Variants in ARHGAP39 observed in about 807,000 individuals in gnomAD.
ARHGAP39 encodes Rho GTPase activating protein 39, also known as rho GTPase-activating protein 39.
ARHGAP39 carries 44 observed loss-of-function variants against 106.9 expected under a neutral mutation model. The ratio of observed to expected loss-of-function variants is 0.41; its 90% CI spans 0.32 to 0.53. The LOEUF is 0.53. ARHGAP39 is among the 20% of genes least tolerant of loss of function. The probability of loss-of-function intolerance (pLI) is 0.21; values close to 1 mark genes in which losing one functional copy is unlikely to be tolerated. For synonymous variants in ARHGAP39, 768 were observed against 693.2 expected (o/e 1.11, Z -1.69); for missense variants, 1,496 against 1,577.3 (o/e 0.95, Z 0.87).
Position 144,530,340 on chromosome 8 carries a change from G to A in ARHGAP39, c.*82C>T. ...CTCCAGGGCTGGGCCGGGCGATTCTGGCCCCTCTGCCGGGAGAGCGAGTGC... is the reference window on the plus strand; with the variant it reads ...CTCCAGGGCTGGGCCGGGCGATTCTAGCCCCTCTGCCGGGAGAGCGAGTGC... On this transcript the variant is annotated 3_prime_UTR_variant, in exon 12 of 12. Coordinates refer to ENST00000377307, the MANE Select transcript of ARHGAP39 (RefSeq NM_025251.3). 5.6e-6 allele frequency: 8 copies of A among 1,438,296 alleles called. No homozygotes were observed. The highest frequency in any genetic ancestry group is 6.6e-6 in the Non-Finnish European group (7 of 1,064,304). 89.1% of individuals were successfully genotyped at this position (1,438,296 alleles called of 1,614,324 possible). A position where few individuals can be genotyped will look rare whatever the true frequency, so the allele number is the denominator to read the frequency against.
chr8:144,532,992 C>G, intron 9 of ARHGAP39, 134 bp downstream of exon 9: 1 of 1,112,040 alleles, frequency 9.0e-7, no homozygotes, highest in Non-Finnish European at 1.3e-6. Flanking sequence ...TGGCCCCACC[C>G]TTCCATCTGC....
At chr8:144,651,224 A>G (rs1356355992) in intron 1 of ARHGAP39, among the ~76,000 whole-genome samples, 2 of 152,192 alleles carry the variant, frequency 1.3e-5, no homozygotes, top group Non-Finnish European at 2.9e-5. Context: ...CTAAAATGAG[A>G]ATTACAAAAC....
intron 1 of ARHGAP39, among the ~76,000 whole-genome samples, chr8:144,630,968 T>A (rs1330433417): frequency 6.6e-6 from 1 of 152,226 alleles, no homozygotes; most frequent in Non-Finnish European, 1.5e-5. Flanking sequence ...GCTGTACAGG[T>A]AGCATGGCAC....
intron 6 of ARHGAP39, among the ~76,000 whole-genome samples, chr8:144,544,933 C>T (rs1239766019): frequency 6.6e-6 from 1 of 152,262 alleles, no homozygotes; most frequent in Non-Finnish European, 1.5e-5. Flanking sequence ...CCGCCCTCGG[C>T]GTCTTCGTGC....
At chr8:144,601,770 T>C (rs1414800969) in intron 2 of ARHGAP39, among the ~76,000 whole-genome samples, 1 of 144,594 alleles carries the variant, frequency 6.9e-6, no homozygotes, top group Non-Finnish European at 1.5e-5. Flanking sequence ...CCTGTGTGTG[T>C]GCGTGGAGGC....
intron 6 of ARHGAP39, among the ~76,000 whole-genome samples, chr8:144,543,389 T>C (rs906072192): frequency 3.9e-5 from 6 of 152,142 alleles, no homozygotes; most frequent in Admixed American, 6.5e-5. Flanking sequence ...CCACTGTGTA[T>C]GTAGAGGCCT....
intron 1 of ARHGAP39, among the ~76,000 whole-genome samples, chr8:144,675,987 A>G (rs1451690040): frequency 7.6e-6 from 1 of 131,194 alleles, no homozygotes; most frequent in Non-Finnish European, 1.7e-5. Flanking sequence ...CTTCCCTCCC[A>G]GTGGGTTCAT....
chr8:144,534,283 T>A, intron 7 of ARHGAP39, 81 bp from the exon 8 acceptor site: 2 of 1,519,660 alleles, frequency 1.3e-6, no homozygotes, highest in Non-Finnish European at 1.8e-6. Context: ...ACACAGCTCC[T>A]TCGAGGGCCC....
Position 144,547,711 on chromosome 8 carries a change from T to C in ARHGAP39, c.1375A>G (p.Ser459Gly). The change falls in exon 5 of 12, where the codon AGC (serine) becomes GGC (glycine). Residue 459 changes from serine to glycine, a missense_variant. Physicochemically the swap from Ser to Gly is moderately conservative, Grantham distance 56. Transcript: ENST00000377307. The surrounding 1 kb of genome is among the most constrained non-coding windows in gnomAD (Gnocchi z 5.2). ...STMEGPELRH[S>G]QPPTPLPQAQ... is the part of the protein sequence containing the mutation. ...TGTGGCAGCGGCGTGGGCGGCTGGC[T>C]GTGCCGCAGCTCAGGTCCCTCCATG... 1 of 1,591,002 alleles carries C rather than the reference T, an allele frequency of 6.3e-7. No homozygotes were observed. The highest frequency in any genetic ancestry group is 2.3e-5 in the East Asian group (1 of 44,298).
intron 3 of ARHGAP39, among the ~76,000 whole-genome samples, chr8:144,557,853 T>C (rs1818003103): frequency 6.6e-6 from 1 of 152,244 alleles, no homozygotes; most frequent in Non-Finnish European, 1.5e-5. Context: ...CACCATTGTT[T>C]AATACAGTTT....
At position 144,530,480 on chromosome 8, in the gene ARHGAP39, G is replaced by A; in HGVS notation, c.3287C>T (p.Ser1096Phe). The A allele has an allele frequency of 1.2e-6, 2 of 1,611,636 alleles. No individual in the cohort carries two copies. Among genetic ancestry groups the A allele is most frequent in the Non-Finnish European group, 1.7e-6 (2 of 1,179,510 alleles). Reference sequence around the variant, plus strand: ...GTGCTGGATGAGCACCCGCAGGAAGGACATCTCCTTGCGGGTGTTCTCGAA... The same window carrying A: ...GTGCTGGATGAGCACCCGCAGGAAGAACATCTCCTTGCGGGTGTTCTCGAA... ...VIFENTRKEM[S>F]FLRVLIQHLD... The change falls in exon 12 of 12, where the codon TCC becomes TTC. Residue 1096 changes from serine to phenylalanine, a missense_variant. Around this residue, in one of 4 missense-constraint regions of ARHGAP39, gnomAD observed 470 missense variants for 605.1 expected, o/e 0.78. Transcript: ENST00000377307.
intron 3 of ARHGAP39, among the ~76,000 whole-genome samples, chr8:144,569,947 G>C (rs776378174): frequency 6.6e-6 from 1 of 152,166 alleles, no homozygotes; most frequent in African/African-American, 2.4e-5. Context: ...GAGGCTGGGC[G>C]CGGTGGCTCA....
chr8:144,599,791 C>A (rs1051008056), intron 2 of ARHGAP39, among the ~76,000 whole-genome samples: 4 of 152,198 alleles, frequency 2.6e-5, no homozygotes, highest in African/African-American at 4.8e-5. Context: ...GAGACACGTG[C>A]ACATGAGGGA....
intron 3 of ARHGAP39, among the ~76,000 whole-genome samples, chr8:144,576,180 A>C (rs979909366): frequency 4.0e-5 from 6 of 151,808 alleles, no homozygotes; most frequent in African/African-American, 1.5e-4. Flanking sequence ...TAAAAATACA[A>C]AAATTAGCCA....
Position 144,678,609 on chromosome 8 carries a change from G to A in ARHGAP39, c.-82+7077C>T, listed in dbSNP as rs547621473. ...GTGGAGCATGGTCCAGGAGGCACTG[G>A]GGAGCCAGGGAGGAGAGCCAGGCAG... On this transcript the variant is annotated intron_variant, in intron 1 of 11. Coordinates refer to ENST00000377307, the MANE Select transcript of ARHGAP39 (RefSeq NM_025251.3). Among the ~76,000 whole-genome samples, 4 of 152,324 alleles carry A rather than the reference G, an allele frequency of 2.6e-5. No homozygotes were observed. In the East Asian group the frequency reaches 7.7e-4, roughly 29 times the overall value.
chr8:144,545,158 C>T, intron 6 of ARHGAP39, 91 bp downstream of exon 6: 1 of 1,258,290 alleles, frequency 7.9e-7, no homozygotes, highest in East Asian at 2.6e-5. Context: ...TGGAGGGCCG[C>T]CAGGGACTTC....
intron 1 of ARHGAP39, among the ~76,000 whole-genome samples, chr8:144,630,627 G>A (rs546334047): frequency 6.6e-6 from 1 of 152,286 alleles, no homozygotes; most frequent in Admixed American, 6.5e-5. Context: ...AATGTCCCCC[G>A]CCAAATGCAG....
intron 1 of ARHGAP39, among the ~76,000 whole-genome samples, chr8:144,673,933 T>C (rs1371891271): frequency 6.6e-6 from 1 of 152,212 alleles, no homozygotes; most frequent in African/African-American, 2.4e-5. Flanking sequence ...CCAGATGTAC[T>C]GCATGTGGCT....
At chr8:144,694,705 T>C in the ARHGAP39 span, among the ~76,000 whole-genome samples, 12 of 152,222 alleles carry the variant, frequency 7.9e-5, no homozygotes, top group Non-Finnish European at 1.5e-5. Context: ...CTGGACAAGC[T>C]GTTTTCATGG....
Sources: allele counts gnomAD v4.1 joint callset (sites outside exome capture counted in the v4.1 genomes callset), GRCh38; gene constraint gnomAD v4.1.1; regional missense constraint gnomAD v4.1.1; non-coding constraint Gnocchi (gnomAD v3.1); transcripts MANE v1.5; gene names NCBI Gene and HGNC (gene_info 2026-07-23, HGNC 2026-07-21).